The following HS3ST4 variants were observed in gnomAD, a reference collection of about 807,000 sequenced individuals.
HS3ST4 encodes the protein heparan sulfate-glucosamine 3-sulfotransferase 4, also known as heparan sulfate glucosamine 3-O-sulfotransferase 4.
A neutral mutation model predicts 29.2 loss-of-function variants in HS3ST4; 17 were observed. The observed-to-expected ratio is 0.58, with a 90% confidence interval of 0.40 to 0.87. The LOEUF (loss-of-function observed/expected upper bound fraction) is 0.87. Ranked by LOEUF, HS3ST4 falls within the 40% of genes least tolerant of loss-of-function variation. The probability of loss-of-function intolerance (pLI) is 0.00; values close to 1 mark genes in which losing one functional copy is unlikely to be tolerated. For synonymous variants in HS3ST4, 314 were observed against 285.7 expected, an observed-to-expected ratio of 1.10 and a Z score of -1.00; for missense variants, 627 against 634.5, an observed-to-expected ratio of 0.99 and a Z score of 0.13.
At chr16:26,126,645 C>T (rs1899347836) in intron 1 of HS3ST4, among the ~76,000 whole-genome samples, 4 of 152,148 alleles carry the variant, frequency 2.6e-5, no homozygotes, top group Admixed American at 2.6e-4. Context: ...ACTCGTGGCT[C>T]TCAACAGGGG....
intron 1 of HS3ST4, among the ~76,000 whole-genome samples, chr16:25,840,345 C>A (rs558662349): frequency 6.6e-6 from 1 of 152,196 alleles, no homozygotes; most frequent in Non-Finnish European, 1.5e-5. Flanking sequence ...CATTTTGAGA[C>A]GCAACTACTA....
intron 1 of HS3ST4, among the ~76,000 whole-genome samples, chr16:25,876,104 C>T (rs570388503): frequency 1.1e-4 from 17 of 152,276 alleles, no homozygotes; most frequent in Non-Finnish European, 2.1e-4. Flanking sequence ...GTGAGACCTC[C>T]ACCAGTCTCT....
chr16:25,854,760 G>C (rs1238654573), intron 1 of HS3ST4, among the ~76,000 whole-genome samples: 1 of 151,150 alleles, frequency 6.6e-6, no homozygotes, highest in African/African-American at 2.4e-5. Flanking sequence ...CCCTTGGTGT[G>C]GTGGTAAGGG....
chr16:26,052,177 T>G (rs1220567787), intron 1 of HS3ST4, among the ~76,000 whole-genome samples: 1 of 152,026 alleles, frequency 6.6e-6, no homozygotes, highest in African/African-American at 2.4e-5. Context: ...AAGAAAAATC[T>G]AGACAGAGAG....
At position 25,746,348 on chromosome 16, in the gene HS3ST4, C is replaced by G. The variant is rs192676640; in HGVS notation, c.734+53197C>G. Among the ~76,000 whole-genome samples, 9 of 152,200 alleles carry G rather than the reference C, an allele frequency of 5.9e-5. 1 individual carries two copies. On this transcript the variant is annotated intron_variant, in intron 1 of 1. Transcript: ENST00000331351. ...ATGATTTTCAGGTCATAATCTGGAT[C>G]CTGAAGGAATTTTTCCAAACAAATA...
At chr16:26,116,830 T>G (rs1465547139) in intron 1 of HS3ST4, among the ~76,000 whole-genome samples, 1 of 152,212 alleles carries the variant, frequency 6.6e-6, no homozygotes, top group Non-Finnish European at 1.5e-5. Context: ...ATCTGAAACT[T>G]TTTAAGCATC....
intron 1 of HS3ST4, among the ~76,000 whole-genome samples, chr16:25,947,538 G>A (rs8056399): frequency 0.29 from 41,887 of 142,846 alleles, 6,012 homozygotes; most frequent in African/African-American, 0.37. Flanking sequence ...GGTCACCCAG[G>A]TCATGCTTTA....
intron 1 of HS3ST4, among the ~76,000 whole-genome samples, chr16:26,002,770 AAAG>A (rs1435631800): frequency 2.0e-5 from 3 of 151,934 alleles, no homozygotes; most frequent in Admixed American, 2.0e-4. Flanking sequence ...AGAGAGAGAA[AAAG>A]AAGGAAAGAA....
chr16:25,873,835 T>C (rs544792575), intron 1 of HS3ST4, among the ~76,000 whole-genome samples: 2 of 152,286 alleles, frequency 1.3e-5, no homozygotes, highest in East Asian at 3.9e-4. Context: ...CATCCATCCA[T>C]CTATCCTGCC....
chr16:25,860,929 G>A (rs1169033434), intron 1 of HS3ST4, among the ~76,000 whole-genome samples: 1 of 152,152 alleles, frequency 6.6e-6, no homozygotes, highest in African/African-American at 2.4e-5. Context: ...CATGCTGCTG[G>A]GGGATGCTGA....
intron 1 of HS3ST4, among the ~76,000 whole-genome samples, chr16:26,049,133 T>C (rs1898305472): frequency 6.6e-6 from 1 of 152,074 alleles, no homozygotes. Flanking sequence ...AATTATTATC[T>C]TATTATTTCC....
chr16:25,943,182 A>G (rs908661631), intron 1 of HS3ST4, among the ~76,000 whole-genome samples: 2 of 152,220 alleles, frequency 1.3e-5, no homozygotes, highest in African/African-American at 4.8e-5. Context: ...ATTCTTAAGC[A>G]TCTGGGGCAT....
intron 1 of HS3ST4, among the ~76,000 whole-genome samples, chr16:26,113,470 ATGTGTGTGTG>A (rs55722050): frequency 2.6e-4 from 34 of 132,218 alleles, no homozygotes; most frequent in East Asian, 9.1e-4. Flanking sequence ...ACAATATATG[ATGTGTGTGTG>A]TGTGTGTGTG....
At chr16:25,734,671 C>G (rs1966594943) in intron 1 of HS3ST4, among the ~76,000 whole-genome samples, 1 of 152,120 alleles carries the variant, frequency 6.6e-6, no homozygotes, top group Non-Finnish European at 1.5e-5. Flanking sequence ...TGTGATTTCC[C>G]TAGGAAGCTG....
At chr16:25,967,425 A>G (rs1465031480) in intron 1 of HS3ST4, among the ~76,000 whole-genome samples, 6 of 152,190 alleles carry the variant, frequency 3.9e-5, no homozygotes, top group Non-Finnish European at 8.8e-5. Context: ...AAGTGTTGGA[A>G]TTACAGGCGT....
At chr16:25,925,552 A>G (rs1968393835) in intron 1 of HS3ST4, among the ~76,000 whole-genome samples, 1 of 152,198 alleles carries the variant, frequency 6.6e-6, no homozygotes, top group African/African-American at 2.4e-5. Flanking sequence ...TTAAGCAGAG[A>G]AACCTCTTGT....
At chr16:25,889,144 A>G (rs1398446864) in intron 1 of HS3ST4, among the ~76,000 whole-genome samples, 1 of 152,220 alleles carries the variant, frequency 6.6e-6, no homozygotes, top group East Asian at 1.9e-4. Context: ...GAGAAGTCGA[A>G]TGTGAAATTG....
rs1337190382 is a variant in HS3ST4 at position 25,898,677 on chromosome 16, T to C, written c.734+205526T>C. On this transcript the variant is annotated intron_variant, in intron 1 of 1. Coordinates refer to ENST00000331351, the MANE Select transcript of HS3ST4 (RefSeq NM_006040.3). The stretch of plus-strand genomic sequence containing the variant: ...AAGGTCACCGGAAGCATGAATATGA[T>C]GAAAACAGAACAAAACCAAACAGTG... Among the ~76,000 whole-genome samples the C allele has an allele frequency of 2.0e-5, 3 of 152,322 alleles. No individual in the cohort carries two copies. The East Asian group carries it at 5.8e-4, about 29-fold the overall frequency.
At chr16:26,118,742 C>T (rs939691684) in intron 1 of HS3ST4, among the ~76,000 whole-genome samples, 3 of 152,096 alleles carry the variant, frequency 2.0e-5, no homozygotes, top group African/African-American at 7.2e-5. Flanking sequence ...GAGGAAATAT[C>T]AAATGCCAGG....
Sources: gnomAD v4.1 joint callset for allele counts (sites outside exome capture counted in the v4.1 genomes callset) on GRCh38, gnomAD v4.1.1 for gene constraint, MANE v1.5 for transcripts, NCBI Gene and HGNC (gene_info 2026-07-23, HGNC 2026-07-21) for gene names.